AGAP1: variants seen among roughly 807,000 people sequenced by gnomAD.
The protein encoded by AGAP1 is arf-GAP with GTPase, ANK repeat and PH domain-containing protein 1.
AGAP1 carries 29 observed loss-of-function variants against 105.3 expected under a neutral mutation model. The observed-to-expected ratio is 0.28, with a 90% CI of 0.21 to 0.38. AGAP1 has a LOEUF of 0.38. Ranked by LOEUF, AGAP1 falls within the 10% of genes least tolerant of loss-of-function variation. The pLI is 1.00. For missense variants in AGAP1, 998 were observed against 1,165.1 expected (o/e 0.86, Z 2.09); for synonymous variants, 509 against 485.9 (o/e 1.05, Z -0.63).
intron 16 of AGAP1, among the ~76,000 whole-genome samples, chr2:236,079,404 T>G: frequency 6.8e-6 from 1 of 146,778 alleles, no homozygotes. Flanking sequence ...CATGGTGGCA[T>G]GTGCCTGTGG....
intron 1 of AGAP1, among the ~76,000 whole-genome samples, chr2:235,657,762 C>T (rs1300494123): frequency 6.6e-6 from 1 of 152,136 alleles, no homozygotes; most frequent in African/African-American, 2.4e-5. Context: ...TGTTTTAAGT[C>T]CTAACCCCCA....
At chr2:235,968,169 G>A (rs1337477602) in intron 12 of AGAP1, among the ~76,000 whole-genome samples, 2 of 152,128 alleles carry the variant, frequency 1.3e-5, no homozygotes, top group East Asian at 1.9e-4. Flanking sequence ...CTTTCCTTTT[G>A]CAGAGCTCCA....
chr2:235,683,700 T>TC (rs1491344723), intron 1 of AGAP1, among the ~76,000 whole-genome samples: 9 of 138,532 alleles, frequency 6.5e-5, no homozygotes, highest in Admixed American at 3.5e-4. Flanking sequence ...TCTCTCTCTC[T>TC]TTTTTTTTTT....
Position 235,566,571 on chromosome 2 carries a change from C to G in AGAP1, c.163+71722C>G, listed in dbSNP as rs1419580756. 1 of 985,196 alleles carries G rather than the reference C, an allele frequency of 1.0e-6. No homozygotes were observed. The highest frequency in any genetic ancestry group is 1.7e-5 in the African/African-American group (1 of 57,212). 61.0% of individuals were successfully genotyped at this position (985,196 alleles called of 1,614,324 possible). The stretch of plus-strand genomic sequence containing the variant: ...GCACTTTATTTTATGGAACAGAGGA[C>G]TAGATGACCAGTGCTGTGAGTGGGC... On this transcript the variant is annotated intron_variant, in intron 1 of 17. Coordinates refer to ENST00000304032, the MANE Select transcript of AGAP1 (RefSeq NM_001037131.3). The surrounding 1 kb of genome is among the most constrained non-coding windows in gnomAD (Gnocchi z 5.2).
At chr2:235,713,338 C>A (rs1176983953) in intron 2 of AGAP1, among the ~76,000 whole-genome samples, 1 of 152,162 alleles carries the variant, frequency 6.6e-6, no homozygotes, top group Non-Finnish European at 1.5e-5. Context: ...AGATGTACGT[C>A]GGATTAGGAG....
In AGAP1 at chr2:236,053,201, A is replaced by G. The variant is rs185930825; in HGVS notation, c.2114+3920A>G. Among the ~76,000 whole-genome samples, 1 of 152,362 alleles carries G rather than the reference A, an allele frequency of 6.6e-6. No individual in the cohort carries two copies. Among genetic ancestry groups the G allele is most frequent in the East Asian group, 1.9e-4 (1 of 5,190 alleles). On this transcript the variant is annotated intron_variant, in intron 16 of 17. Coordinates refer to ENST00000304032, the MANE Select transcript of AGAP1 (RefSeq NM_001037131.3). This position sits in a 1 kb window ranked among gnomAD's most constrained non-coding sequence, Gnocchi z 4.6. Reference sequence around the variant, plus strand: ...CTCCTTGGTGACCCTTTCAAAGGCAAGAGTAATAAGCTCAGAGGTGAAGAT... The same window carrying G: ...CTCCTTGGTGACCCTTTCAAAGGCAGGAGTAATAAGCTCAGAGGTGAAGAT...
At chr2:235,945,933 T>C (rs993767323) in intron 12 of AGAP1, among the ~76,000 whole-genome samples, 5 of 151,644 alleles carry the variant, frequency 3.3e-5, no homozygotes, top group Non-Finnish European at 1.5e-5. Context: ...CCGCACACTT[T>C]TAAGTGACCA....
At chr2:235,743,543 G>A (rs776777680) in intron 4 of AGAP1, among the ~76,000 whole-genome samples, 4 of 152,056 alleles carry the variant, frequency 2.6e-5, no homozygotes, top group Non-Finnish European at 4.4e-5. Context: ...GGTCTCTCCC[G>A]GCCTTCTTTG....
rs2053010401 is a variant in AGAP1, at chr2:235,936,723, G to A, written c.1483+5800G>A. Among the ~76,000 whole-genome samples, 1 of 152,184 alleles carries A rather than the reference G, an allele frequency of 6.6e-6. No individual in the cohort carries two copies. Among genetic ancestry groups the A allele is most frequent in the South Asian group, 2.1e-4 (1 of 4,824 alleles). Reference sequence around the variant, plus strand: ...TGACCTGGAAGCTTCTTTGATGGGAGGGTATCAGTGAAGCGTGGTGGGGAG... The same window carrying A: ...TGACCTGGAAGCTTCTTTGATGGGAAGGTATCAGTGAAGCGTGGTGGGGAG... On this transcript the variant is annotated intron_variant, in intron 12 of 17. Transcript: ENST00000304032. This position sits in a 1 kb window ranked among gnomAD's most constrained non-coding sequence, Gnocchi z 4.7.
In AGAP1 at chr2:236,083,326, C is replaced by T. The variant is rs972601814; in HGVS notation, c.2114+34045C>T. Among the ~76,000 whole-genome samples the T allele has an allele frequency of 6.6e-6, 1 of 152,112 alleles. No homozygotes were observed. The highest frequency in any genetic ancestry group is 2.4e-5 in the African/African-American group (1 of 41,410). ...AGCTCGGTTTGTTGCAAGGAAGCGT[C>T]GTCCTCCTCACGGGCTCTTTACGTT... On this transcript the variant is annotated intron_variant, in intron 16 of 17. Transcript: ENST00000304032. This position sits in a 1 kb window ranked among gnomAD's most constrained non-coding sequence, Gnocchi z 5.3.
chr2:235,819,613 G>C (rs1224445443), intron 9 of AGAP1, among the ~76,000 whole-genome samples: 1 of 152,152 alleles, frequency 6.6e-6, no homozygotes, highest in Non-Finnish European at 1.5e-5. Context: ...GCCCGTGTCA[G>C]ATGCCTTCTG....
At chr2:235,848,879 CT>C (rs994295343) in intron 9 of AGAP1, among the ~76,000 whole-genome samples, 10 of 152,160 alleles carry the variant, frequency 6.6e-5, no homozygotes, top group Non-Finnish European at 1.3e-4. Context: ...TTCGGGGCTG[CT>C]TTGTTGTTGC....
rs1458457778 is a variant in AGAP1 at position 235,864,219 on chromosome 2, T to C, written c.1051-19126T>C. 6.6e-6 allele frequency among the ~76,000 whole-genome samples: 1 copy of C among 152,210 alleles called. No homozygotes were observed. The highest frequency in any genetic ancestry group is 1.9e-4 in the East Asian group (1 of 5,184). ...GTTCTGATTGTTCCTTTTTCAGGAATTCCTCCCTGCCATATCCATGTGCCA... is the reference window on the plus strand; with the variant it reads ...GTTCTGATTGTTCCTTTTTCAGGAACTCCTCCCTGCCATATCCATGTGCCA... On this transcript the variant is annotated intron_variant, in intron 9 of 17. Coordinates refer to ENST00000304032, the MANE Select transcript of AGAP1 (RefSeq NM_001037131.3). This position sits in a 1 kb window ranked among gnomAD's most constrained non-coding sequence, Gnocchi z 5.0.
chr2:236,115,325 T>C (rs2059745570), intron 16 of AGAP1, among the ~76,000 whole-genome samples: 1 of 152,200 alleles, frequency 6.6e-6, no homozygotes, highest in African/African-American at 2.4e-5. Context: ...TAGATGTCAC[T>C]GTCCTCATTT....
chr2:235,796,855 A>G (rs1411298537), intron 6 of AGAP1, among the ~76,000 whole-genome samples: 3 of 152,198 alleles, frequency 2.0e-5, no homozygotes, highest in Non-Finnish European at 4.4e-5. Context: ...ATTCAAATCA[A>G]AAGTGTAGTT....
At chr2:235,527,578 G>C (rs968516885) in intron 1 of AGAP1, among the ~76,000 whole-genome samples, 1 of 151,988 alleles carries the variant, frequency 6.6e-6, no homozygotes, top group African/African-American at 2.4e-5. Flanking sequence ...TTGTAGAGAC[G>C]AGGTCTCGCT....
intron 2 of AGAP1, 21 bp downstream of exon 2, chr2:235,709,258 C>G: frequency 6.2e-7 from 1 of 1,613,418 alleles, no homozygotes; most frequent in Non-Finnish European, 8.5e-7. Flanking sequence ...CCCTCTGGCC[C>G]TGGCACCTGT....
intron 16 of AGAP1, among the ~76,000 whole-genome samples, chr2:236,066,990 A>G (rs866728480): frequency 5.3e-5 from 8 of 151,826 alleles, no homozygotes; most frequent in Non-Finnish European, 1.2e-4. Context: ...TCCCCATGTA[A>G]GGGAATATCT....
chr2:235,733,262 T>G lies in AGAP1; in HGVS notation c.311-7701T>G, dbSNP rs1952054045. On this transcript the variant is annotated intron_variant, in intron 3 of 17. Transcript: ENST00000304032. The surrounding 1 kb of genome is among the most constrained non-coding windows in gnomAD (Gnocchi z 5.0). ...CCTCCGGAGAGCCTTTGCCGGCCAT[T>G]CACTTCCAAGGCTTTCTTATTTCCA... Among the ~76,000 whole-genome samples, 1 of 152,176 alleles carries G rather than the reference T, an allele frequency of 6.6e-6. No homozygotes were observed. The highest frequency in any genetic ancestry group is 2.4e-5 in the African/African-American group (1 of 41,446).
Sources: allele counts gnomAD v4.1 joint callset (sites outside exome capture counted in the v4.1 genomes callset), GRCh38; gene constraint gnomAD v4.1.1; non-coding constraint Gnocchi (gnomAD v3.1); transcripts MANE v1.5; gene names NCBI Gene and HGNC (gene_info 2026-07-23, HGNC 2026-07-21).